CAST: variants seen among roughly 807,000 people sequenced by gnomAD.
CAST encodes the protein MIR583 host.
CAST carries 76 observed loss-of-function variants against 119.6 expected under a neutral mutation model. The observed-to-expected ratio is 0.64, with a 90% CI of 0.53 to 0.77. The LOEUF (loss-of-function observed/expected upper bound fraction) is 0.77, where lower values mean the gene tolerates loss of function less well. Ranked by LOEUF, CAST falls within the 30% of genes least tolerant of loss-of-function variation. CAST has a pLI of 0.00. For missense variants in CAST, 953 were observed against 946.5 expected (o/e 1.01, Z -0.09); for synonymous variants, 319 against 331.6 (o/e 0.96, Z 0.41).
chr5:96,045,586 AT>A, the CAST span, among the ~76,000 whole-genome samples: 6 of 152,270 alleles, frequency 3.9e-5, no homozygotes, highest in Non-Finnish European at 8.8e-5. Flanking sequence ...CTTATTTCTA[AT>A]AATAAAATAA....
chr5:96,727,673 G>T (rs2150428277), intron 6 of CAST, 143 bp downstream of exon 6: 1 of 486,138 alleles, frequency 2.1e-6, no homozygotes, highest in Non-Finnish European at 3.6e-6. Context: ...TTGAATGGCT[G>T]TGTACATGTA....
At chr5:96,031,749 G>C in the CAST span, among the ~76,000 whole-genome samples, 1 of 152,060 alleles carries the variant, frequency 6.6e-6, no homozygotes, top group South Asian at 2.1e-4. Flanking sequence ...CTGTATGATA[G>C]AAACCTATAC....
intron 20 of CAST, among the ~76,000 whole-genome samples, chr5:96,752,563 T>A (rs1352437266): frequency 6.9e-5 from 1 of 14,504 alleles, no homozygotes; most frequent in East Asian, 1.7e-3. Context: ...ACCTCAGGGA[T>A]TTTTTTTTTT....
At chr5:96,028,171 T>A in the CAST span, among the ~76,000 whole-genome samples, 1 of 152,122 alleles carries the variant, frequency 6.6e-6, no homozygotes, top group Non-Finnish European at 1.5e-5. Flanking sequence ...AAATTGTCAA[T>A]TAGAATTTTA....
In CAST at chr5:96,716,135, G is replaced by C. The variant is rs1757145696; in HGVS notation, c.211-6504G>C. ...AGTGAATAATCCATCATTACAGAAA[G>C]AAAAATGGAAGCCTGTATTCAATAG... On this transcript the variant is annotated intron_variant, in intron 3 of 31. Coordinates refer to ENST00000675179, the MANE Select transcript of CAST (RefSeq NM_001750.7). Among the ~76,000 whole-genome samples the C allele has an allele frequency of 2.0e-5, 3 of 152,112 alleles. No individual in the cohort carries two copies. In the South Asian group the frequency reaches 6.2e-4, roughly 32 times the overall value.
the CAST span, among the ~76,000 whole-genome samples, chr5:96,041,827 T>G: frequency 2.0e-5 from 3 of 152,144 alleles, no homozygotes; most frequent in African/African-American, 7.2e-5. Flanking sequence ...ATTTTACTGA[T>G]TTTCTTCTGA....
chr5:96,514,126 C>T, the CAST span, among the ~76,000 whole-genome samples: 1 of 152,278 alleles, frequency 6.6e-6, no homozygotes, highest in East Asian at 1.9e-4. Context: ...CCTGCACTGA[C>T]CCTATTTCTA....
the CAST span, among the ~76,000 whole-genome samples, chr5:95,973,918 T>C: frequency 1.3e-5 from 2 of 152,078 alleles, no homozygotes; most frequent in South Asian, 4.1e-4. Context: ...TTGTAGCCTT[T>C]CCCTGTGTAG....
chr5:96,420,884 G>T, the CAST span, among the ~76,000 whole-genome samples: 1 of 152,080 alleles, frequency 6.6e-6, no homozygotes, highest in African/African-American at 2.4e-5. Flanking sequence ...ATAAAGAAGC[G>T]CTTCATGTGA....
chr5:96,447,078 T>C, the CAST span, among the ~76,000 whole-genome samples: 1 of 152,212 alleles, frequency 6.6e-6, no homozygotes, highest in Non-Finnish European at 1.5e-5. Context: ...GGAGAGGGCA[T>C]GAATGCCTGG....
the CAST span, among the ~76,000 whole-genome samples, chr5:96,423,775 C>G: frequency 6.6e-6 from 1 of 152,186 alleles, no homozygotes; most frequent in South Asian, 2.1e-4. Context: ...ACATGCTCAA[C>G]CCTTTCATCT....
the CAST span, among the ~76,000 whole-genome samples, chr5:96,178,533 C>A: frequency 2.0e-5 from 3 of 152,096 alleles, no homozygotes; most frequent in African/African-American, 4.8e-5. Flanking sequence ...AAAAAAGAAG[C>A]CTTTCCTTCT....
intron 8 of CAST, 92 bp downstream of exon 8, chr5:96,729,817 A>C: frequency 1.4e-6 from 1 of 702,416 alleles, no homozygotes; most frequent in Non-Finnish European, 2.6e-6. Context: ...AGTTCAATCT[A>C]TGGGGCTGTG....
chr5:96,750,710 G>T (rs1439496384), intron 20 of CAST, 28 bp downstream of exon 20: 5 of 1,460,722 alleles, frequency 3.4e-6, no homozygotes, highest in Non-Finnish European at 4.8e-6. Flanking sequence ...CATTTGAGCA[G>T]TGGCTTGAGA....
At chr5:96,696,051 G>T in intron 3 of CAST, 144 bp downstream of exon 3, 1 of 436,926 alleles carries the variant, frequency 2.3e-6, no homozygotes, top group Non-Finnish European at 4.2e-6. Context: ...CTAGAAGAGA[G>T]AATATAATTT....
the CAST span, among the ~76,000 whole-genome samples, chr5:96,304,055 C>A: frequency 1.3e-5 from 2 of 152,210 alleles, no homozygotes; most frequent in African/African-American, 4.8e-5. Context: ...AACTAATTTA[C>A]ATTCCCACCA....
At chr5:96,575,013 T>C (rs1746644457) in intron 1 of CAST, among the ~76,000 whole-genome samples, 1 of 152,210 alleles carries the variant, frequency 6.6e-6, no homozygotes, top group Non-Finnish European at 1.5e-5. Flanking sequence ...TTGGAAAGAA[T>C]TGAAATCTTT....
At chr5:96,050,562 T>C in the CAST span, among the ~76,000 whole-genome samples, 3 of 152,176 alleles carry the variant, frequency 2.0e-5, no homozygotes, top group Non-Finnish European at 4.4e-5. Flanking sequence ...ATCATCTCAA[T>C]AGTCTGTGAA....
At chr5:96,159,318 C>T in the CAST span, among the ~76,000 whole-genome samples, 1 of 152,176 alleles carries the variant, frequency 6.6e-6, no homozygotes, top group Non-Finnish European at 1.5e-5. Flanking sequence ...CCAGAGTGGG[C>T]AGGACTAGCC....
Sources: allele counts gnomAD v4.1 joint callset (sites outside exome capture counted in the v4.1 genomes callset), GRCh38; gene constraint gnomAD v4.1.1; transcripts MANE v1.5; gene names NCBI Gene and HGNC (gene_info 2026-07-23, HGNC 2026-07-21).